Variants in SLC9C1 observed in about 807,000 individuals in gnomAD.
SLC9C1 encodes solute carrier family 9 member C1, also known as sodium/hydrogen exchanger 10.
Under a neutral mutation model 140.9 loss-of-function variants are expected in SLC9C1, and 97 were observed. The observed-to-expected ratio is 0.69, with a 90% CI of 0.58 to 0.82. SLC9C1 has a LOEUF of 0.82. Ranked by LOEUF, SLC9C1 falls within the 40% of genes least tolerant of loss-of-function variation. The probability of loss-of-function intolerance (pLI) is 0.00; values close to 1 mark genes in which losing one functional copy is unlikely to be tolerated. For missense variants in SLC9C1, 1,340 were observed against 1,389.3 expected (o/e 0.96, Z 0.56); for synonymous variants, 440 against 442.6 (o/e 0.99, Z 0.07).
intron 27 of SLC9C1, among the ~76,000 whole-genome samples, chr3:112,152,725 G>A (rs1050161094): frequency 1.3e-5 from 2 of 152,024 alleles, no homozygotes; most frequent in South Asian, 2.1e-4. Flanking sequence ...TGTGTCCCTG[G>A]GTACTCGAGA....
chr3:112,244,501 TCTC>T (rs767593935), intron 10 of SLC9C1, among the ~76,000 whole-genome samples: 1 of 152,128 alleles, frequency 6.6e-6, no homozygotes, highest in Non-Finnish European at 1.5e-5. Flanking sequence ...ATCAAACAAT[TCTC>T]CTCACCTGGG....
intron 28 of SLC9C1, among the ~76,000 whole-genome samples, chr3:112,141,884 T>A (rs978375042): frequency 2.0e-5 from 3 of 152,176 alleles, no homozygotes; most frequent in Admixed American, 6.5e-5. Context: ...ATATATATTG[T>A]ATGTTGCATA....
At chr3:112,288,230 A>C (rs945159665) in intron 1 of SLC9C1, among the ~76,000 whole-genome samples, 1 of 152,086 alleles carries the variant, frequency 6.6e-6, no homozygotes, top group Non-Finnish European at 1.5e-5. Context: ...AAATAAATAC[A>C]TGTTTATTGT....
At chr3:112,200,613 G>C in intron 19 of SLC9C1, 98 bp downstream of exon 19, 1 of 1,050,408 alleles carries the variant, frequency 9.5e-7, no homozygotes, top group Non-Finnish European at 1.4e-6. Flanking sequence ...TTAGTGAGTA[G>C]GTTTCCTCAA....
chr3:112,232,575 T>C (rs1422468762), intron 12 of SLC9C1, among the ~76,000 whole-genome samples: 1 of 152,170 alleles, frequency 6.6e-6, no homozygotes. Context: ...TTTTTCAGAA[T>C]TCTACTTCAT....
chr3:112,216,077 A>C (rs2078358794), intron 15 of SLC9C1, among the ~76,000 whole-genome samples: 1 of 152,218 alleles, frequency 6.6e-6, no homozygotes. Context: ...CTGATCTTTG[A>C]CAAACCTGAG....
chr3:112,291,949 G>A (rs1394903378), intron 1 of SLC9C1, among the ~76,000 whole-genome samples: 1 of 152,196 alleles, frequency 6.6e-6, no homozygotes, highest in Non-Finnish European at 1.5e-5. Flanking sequence ...AAAAAAGAAT[G>A]AGATCATGTC....
At chr3:112,269,085 A>G (rs978920115) in intron 7 of SLC9C1, among the ~76,000 whole-genome samples, 1 of 152,208 alleles carries the variant, frequency 6.6e-6, no homozygotes, top group Non-Finnish European at 1.5e-5. Context: ...TACCAAGACA[A>G]AATATCTAAT....
intron 5 of SLC9C1, among the ~76,000 whole-genome samples, chr3:112,276,942 CAGAT>C (rs1278216247): frequency 6.6e-6 from 1 of 152,072 alleles, no homozygotes; most frequent in Admixed American, 6.6e-5. Context: ...CTACCTGCCT[CAGAT>C]AGCTATTTCC....
chr3:112,150,420 C>T (rs1389015990), intron 28 of SLC9C1, among the ~76,000 whole-genome samples: 1 of 152,146 alleles, frequency 6.6e-6, no homozygotes. Flanking sequence ...CTCTACTTCT[C>T]TCATATACTG....
At chr3:112,289,511 G>T (rs2080616292) in intron 1 of SLC9C1, among the ~76,000 whole-genome samples, 2 of 152,312 alleles carry the variant, frequency 1.3e-5, no homozygotes, top group East Asian at 3.9e-4. Context: ...GACTGAGGGT[G>T]TTTGGTGTTG....
chr3:112,195,052 A>G (rs2077740707), intron 20 of SLC9C1, among the ~76,000 whole-genome samples: 1 of 152,052 alleles, frequency 6.6e-6, no homozygotes, highest in African/African-American at 2.4e-5. Flanking sequence ...TGGTTTGCAA[A>G]TATTTCCTCT....
intron 20 of SLC9C1, among the ~76,000 whole-genome samples, chr3:112,191,493 T>A (rs1211625282): frequency 1.3e-5 from 2 of 152,172 alleles, no homozygotes; most frequent in African/African-American, 2.4e-5. Context: ...TGTATCACAT[T>A]TATTGATTTG....
At chr3:112,248,660 A>G (rs1479660734) in intron 10 of SLC9C1, among the ~76,000 whole-genome samples, 2 of 152,052 alleles carry the variant, frequency 1.3e-5, no homozygotes, top group East Asian at 1.9e-4. Flanking sequence ...TTTTCTCCCT[A>G]TTGCCTGAGG....
chr3:112,231,511 C>CA (rs1188193897), intron 12 of SLC9C1, 25 bp from the exon 13 acceptor site: 11 of 1,570,366 alleles, frequency 7.0e-6, no homozygotes, highest in Middle Eastern at 1.7e-4. Context: ...AATAAAAGAA[C>CA]AAAAAATACA....
At chr3:112,191,649 T>C (rs1021768533) in intron 20 of SLC9C1, among the ~76,000 whole-genome samples, 1 of 152,144 alleles carries the variant, frequency 6.6e-6, no homozygotes, top group Non-Finnish European at 1.5e-5. Context: ...TATTGGTCTA[T>C]AATTTTCTTG....
intron 19 of SLC9C1, among the ~76,000 whole-genome samples, chr3:112,200,071 A>G (rs1165086378): frequency 2.0e-5 from 3 of 152,070 alleles, no homozygotes; most frequent in Non-Finnish European, 4.4e-5. Context: ...GATCTCTCAA[A>G]TGACCTCATC....
At chr3:112,273,382 T>C (rs2080128444) in intron 6 of SLC9C1, among the ~76,000 whole-genome samples, 1 of 152,148 alleles carries the variant, frequency 6.6e-6, no homozygotes, top group African/African-American at 2.4e-5. Flanking sequence ...TGTACCTTTC[T>C]GTGCTAAACT....
Position 112,141,211 on chromosome 3 carries a change from C to G in SLC9C1, c.*61G>C, listed in dbSNP as rs1336736895. 3 of 1,488,678 alleles carry G rather than the reference C, an allele frequency of 2.0e-6. No individual in the cohort carries two copies. In the East Asian group the frequency reaches 7.7e-5, roughly 38 times the overall value. The allele number at this position is 1,488,678 out of a possible 1,614,324, so 92.2% of individuals were successfully genotyped here. ...CTTCTTGATGTAGGGAAGTGTGTTT[C>G]TGCAGCAGGAGGCCTCTCATAGCCA... On this transcript the variant is annotated 3_prime_UTR_variant, in exon 29 of 29. Transcript: ENST00000305815.
Sources: gnomAD v4.1 joint callset for allele counts (sites outside exome capture counted in the v4.1 genomes callset) on GRCh38, gnomAD v4.1.1 for gene constraint, MANE v1.5 for transcripts, NCBI Gene and HGNC (gene_info 2026-07-23, HGNC 2026-07-21) for gene names.